Variants in GALNTL6 observed in about 807,000 individuals in gnomAD.
GALNTL6 encodes the protein polypeptide N-acetylgalactosaminyltransferase-like 6.
In GALNTL6, 46 loss-of-function variants were observed where a neutral mutation model predicts 73.7. That is an observed-to-expected ratio of 0.62 (90% CI 0.49 to 0.80). The LOEUF is 0.80. Among genes scored for constraint, GALNTL6 ranks in the 30% least tolerant of loss-of-function variants. The probability of loss-of-function intolerance (pLI) is 0.00; values close to 1 mark genes in which losing one functional copy is unlikely to be tolerated. For missense variants in GALNTL6, 604 were observed against 755.0 expected, an observed-to-expected ratio of 0.80 and a Z score of 2.34; for synonymous variants, 259 against 263.7, an observed-to-expected ratio of 0.98 and a Z score of 0.17.
Position 172,033,462 on chromosome 4 carries a change from G to T in GALNTL6, c.139-196194G>T, listed in dbSNP as rs77556280. Among the ~76,000 whole-genome samples, 695 of 152,012 alleles carry T rather than the reference G, an allele frequency of 4.6e-3. 5 individuals carry two copies. Among genetic ancestry groups the T allele is most frequent in the African/African-American group, 0.016 (654 of 41,490 alleles). On this transcript the variant is annotated intron_variant, in intron 2 of 12. Coordinates refer to ENST00000506823, the MANE Select transcript of GALNTL6 (RefSeq NM_001034845.3). ...TCTACACTAAAAAATTAGAATGTCT[G>T]GGGTTTCAAATTAGATGAAATCACC...
chr4:172,107,909 T>C lies in GALNTL6; in HGVS notation c.139-121747T>C, dbSNP rs1732730761. The stretch of plus-strand genomic sequence containing the variant: ...TAAGTAAATTACATTGACTTTTCAA[T>C]ACCATTTGCCTACTAAATCTTTCTC... On this transcript the variant is annotated intron_variant, in intron 2 of 12. Transcript: ENST00000506823. Among the ~76,000 whole-genome samples, 9 of 152,310 alleles carry C rather than the reference T, an allele frequency of 5.9e-5. No individual in the cohort carries two copies. In the South Asian group the frequency reaches 1.9e-3, roughly 32 times the overall value.
chr4:171,876,577 T>A (rs1169342697), intron 2 of GALNTL6, among the ~76,000 whole-genome samples: 1 of 152,208 alleles, frequency 6.6e-6, no homozygotes, highest in Non-Finnish European at 1.5e-5. Flanking sequence ...AAAAGTCACA[T>A]GAACGGTGGA....
At chr4:172,399,602 G>A (rs1044469514) in intron 5 of GALNTL6, among the ~76,000 whole-genome samples, 1 of 151,834 alleles carries the variant, frequency 6.6e-6, no homozygotes, top group Non-Finnish European at 1.5e-5. Context: ...TAAATTTATT[G>A]GTTAAAGTAT....
chr4:172,263,444 AGT>A (rs1441010666), intron 3 of GALNTL6, among the ~76,000 whole-genome samples: 1 of 151,050 alleles, frequency 6.6e-6, no homozygotes, highest in Non-Finnish European at 1.5e-5. Context: ...CATTTTTCTA[AGT>A]GTGTCTTTCA....
intron 3 of GALNTL6, among the ~76,000 whole-genome samples, chr4:172,263,532 A>T (rs1053798832): frequency 6.6e-6 from 1 of 151,238 alleles, no homozygotes; most frequent in African/African-American, 2.4e-5. Flanking sequence ...GTATTTTTTT[A>T]AATTTAAGTT....
intron 3 of GALNTL6, among the ~76,000 whole-genome samples, chr4:172,301,646 T>C (rs1166593306): frequency 2.6e-5 from 4 of 152,170 alleles, no homozygotes; most frequent in African/African-American, 9.7e-5. Context: ...CAGACCCTGT[T>C]TTCCTGGGTA....
chr4:172,620,561 C>T (rs1030163793), intron 5 of GALNTL6, among the ~76,000 whole-genome samples: 3 of 151,982 alleles, frequency 2.0e-5, no homozygotes, highest in East Asian at 1.9e-4. Flanking sequence ...TTGCAAGCAC[C>T]GAAGACAGAA....
chr4:172,395,796 T>C (rs1282808987), intron 5 of GALNTL6, among the ~76,000 whole-genome samples: 1 of 152,110 alleles, frequency 6.6e-6, no homozygotes, highest in Non-Finnish European at 1.5e-5. Flanking sequence ...GTTTCAAAAA[T>C]TTAAACATGA....
intron 5 of GALNTL6, among the ~76,000 whole-genome samples, chr4:172,582,253 G>T (rs527713804): frequency 2.0e-4 from 30 of 152,298 alleles, no homozygotes; most frequent in South Asian, 1.0e-3. Flanking sequence ...ACTGGCTTTC[G>T]AATCGTAGCT....
Position 172,069,469 on chromosome 4 carries a change from A to G in GALNTL6, c.139-160187A>G, listed in dbSNP as rs1481561408. On this transcript the variant is annotated intron_variant, in intron 2 of 12. Transcript: ENST00000506823. ...ATGTAATATATAACACACATATAAC[A>G]TATATGTTATATATAACACATATGT... is the stretch of plus-strand genomic sequence containing the variant. 6.8e-5 allele frequency among the ~76,000 whole-genome samples: 3 copies of G among 44,316 alleles called. 1 individual carries two copies. The allele number at this position is 44,316 out of a possible 152,430, so 29.1% of individuals were successfully genotyped here.
At chr4:172,786,712 A>C (rs2110914897) in intron 5 of GALNTL6, among the ~76,000 whole-genome samples, 1 of 152,262 alleles carries the variant, frequency 6.6e-6, no homozygotes, top group East Asian at 1.9e-4. Context: ...TGTATTCTGG[A>C]GGGGCACATT....
At chr4:172,759,859 T>A in intron 5 of GALNTL6, among the ~76,000 whole-genome samples, 1 of 114,932 alleles carries the variant, frequency 8.7e-6, no homozygotes, top group Non-Finnish European at 1.7e-5. Flanking sequence ...AGACGGAGTC[T>A]CGCTCTGTCG....
chr4:172,252,671 G>A (rs1737922330), intron 3 of GALNTL6, among the ~76,000 whole-genome samples: 1 of 152,074 alleles, frequency 6.6e-6, no homozygotes, highest in African/African-American at 2.4e-5. Flanking sequence ...TCTTATCATG[G>A]ATGGAGAGCT....
At chr4:171,945,553 CTA>C (rs1165447864) in intron 2 of GALNTL6, among the ~76,000 whole-genome samples, 1 of 152,040 alleles carries the variant, frequency 6.6e-6, no homozygotes, top group South Asian at 2.1e-4. Context: ...GTTCTATAAA[CTA>C]TGTAGTACTG....
At chr4:172,046,642 A>G (rs898559097) in intron 2 of GALNTL6, among the ~76,000 whole-genome samples, 1 of 152,174 alleles carries the variant, frequency 6.6e-6, no homozygotes, top group African/African-American at 2.4e-5. Flanking sequence ...CATTTTAAAA[A>G]TAGATCTGCT....
At chr4:172,976,633 TAGAA>T (rs917679578) in intron 10 of GALNTL6, among the ~76,000 whole-genome samples, 1 of 152,210 alleles carries the variant, frequency 6.6e-6, no homozygotes, top group South Asian at 2.1e-4. Flanking sequence ...ATTTTTAAAA[TAGAA>T]AGAATACTTC....
intron 2 of GALNTL6, chr4:172,052,449 G>A (rs946873273): frequency 1.0e-5 from 16 of 1,535,016 alleles, no homozygotes; most frequent in Non-Finnish European, 1.2e-5. Context: ...AGCCAGATGA[G>A]AGCCAAGTTC....
At chr4:172,738,811 GA>G (rs1316269329) in intron 5 of GALNTL6, among the ~76,000 whole-genome samples, 2 of 152,162 alleles carry the variant, frequency 1.3e-5, no homozygotes, top group African/African-American at 2.4e-5. Context: ...GTTTGGTCCA[GA>G]AAGGTGAGAC....
intron 12 of GALNTL6, among the ~76,000 whole-genome samples, chr4:173,022,090 A>AAGGAAGGAAAGAAG (rs1554012035): frequency 1.5e-5 from 1 of 66,204 alleles, no homozygotes; most frequent in African/African-American, 6.4e-5. Flanking sequence ...AAGGAAGGAA[A>AAGGAAGGAAAGAAG]GAAGGAAGGA....
Sources: allele counts gnomAD v4.1 joint callset (sites outside exome capture counted in the v4.1 genomes callset), GRCh38; gene constraint gnomAD v4.1.1; transcripts MANE v1.5; gene names NCBI Gene and HGNC (gene_info 2026-07-23, HGNC 2026-07-21).